FAAH2: variants seen among roughly 807,000 people sequenced by gnomAD.
FAAH2 encodes fatty-acid amide hydrolase 2.
Under a neutral mutation model 36.9 loss-of-function variants are expected in FAAH2, and 60 were observed. The observed-to-expected ratio is 1.63, with a 90% CI of 1.32 to 2.02. The LOEUF is 2.02. Ranked by LOEUF, FAAH2 falls within the 30% of genes most tolerant of loss-of-function variation. FAAH2 has a pLI of 0.00. For missense variants in FAAH2, 689 were observed against 397.5 expected (o/e 1.73, Z -6.23); for synonymous variants, 214 against 143.8 (o/e 1.49, Z -3.49).
chrX:57,223,427 G>A, the FAAH2 span, among the ~76,000 whole-genome samples: 1 of 111,486 alleles, frequency 9.0e-6, no homozygotes, highest in Non-Finnish European at 1.9e-5. Flanking sequence ...CACTCTCAAA[G>A]CCTTCCTCAC....
chrX:57,131,653 A>G, the FAAH2 span, among the ~76,000 whole-genome samples: 2 of 112,167 alleles, frequency 1.8e-5, no homozygotes, highest in African/African-American at 3.2e-5. Context: ...AAGACTTTTC[A>G]TTCTTAGTCC....
chrX:57,146,799 T>C, the FAAH2 span, among the ~76,000 whole-genome samples: 1 of 112,028 alleles, frequency 8.9e-6, no homozygotes, highest in African/African-American at 3.2e-5. Context: ...TGTCAAATGC[T>C]TTTTCTTCAT....
intron 8 of FAAH2, among the ~76,000 whole-genome samples, chrX:57,440,263 C>A (rs989706800): frequency 8.1e-5 from 9 of 111,244 alleles, no homozygotes; most frequent in African/African-American, 2.6e-4. Flanking sequence ...TGTTTGTGTC[C>A]TCTTTTATTT....
At chrX:57,468,818 G>A (rs1180280737) in intron 10 of FAAH2, among the ~76,000 whole-genome samples, 1 of 111,644 alleles carries the variant, frequency 9.0e-6, no homozygotes, top group Non-Finnish European at 1.9e-5. Context: ...ATGTTGAAAT[G>A]AAGGAAAAAA....
chrX:57,170,292 C>T, the FAAH2 span, among the ~76,000 whole-genome samples: 7 of 111,946 alleles, frequency 6.3e-5, no homozygotes, highest in Non-Finnish European at 1.1e-4. Context: ...CATGTTGTAA[C>T]ATGTGACAAA....
At chrX:57,464,518 CAAAAAA>C (rs5902566) in intron 10 of FAAH2, among the ~76,000 whole-genome samples, 42 of 60,965 alleles carry the variant, frequency 6.9e-4, no homozygotes, top group Admixed American at 5.5e-3. Context: ...ATAGCAATTG[CAAAAAA>C]AAAAAAAAAA....
chrX:57,242,207 C>T, the FAAH2 span, among the ~76,000 whole-genome samples: 9 of 111,854 alleles, frequency 8.0e-5, no homozygotes, highest in East Asian at 2.8e-4. Context: ...TACAAGAGAG[C>T]TCCAGCTGGC....
At chrX:57,331,440 C>G (rs1227719112) in intron 3 of FAAH2, among the ~76,000 whole-genome samples, 158 bp from the exon 4 acceptor site, 1 of 110,908 alleles carries the variant, frequency 9.0e-6, no homozygotes, top group Admixed American at 9.7e-5. Context: ...TGCCTTCTCT[C>G]TGAAGATCTG....
At chrX:57,231,034 AGTGTGTGT>A in the FAAH2 span, among the ~76,000 whole-genome samples, 2 of 94,458 alleles carry the variant, frequency 2.1e-5, no homozygotes, top group East Asian at 3.3e-4. Context: ...CTCCAAAGGA[AGTGTGTGT>A]GTGTGTGTGT....
At chrX:57,154,746 C>A in the FAAH2 span, among the ~76,000 whole-genome samples, 2 of 110,138 alleles carry the variant, frequency 1.8e-5, no homozygotes, top group Admixed American at 1.9e-4. Context: ...GTTAAACAAC[C>A]TTGTTTTGTT....
chrX:57,305,940 C>T (rs1010362638), intron 2 of FAAH2, among the ~76,000 whole-genome samples: 2 of 111,814 alleles, frequency 1.8e-5, no homozygotes, highest in Non-Finnish European at 3.8e-5. Context: ...CTAACGTTTC[C>T]TAAACACAAG....
intron 5 of FAAH2, among the ~76,000 whole-genome samples, chrX:57,364,240 T>G (rs1285286516): frequency 9.1e-6 from 1 of 109,504 alleles, no homozygotes; most frequent in African/African-American, 3.3e-5. Context: ...GAATGCATTA[T>G]TGGTCTTTTC....
chrX:57,257,685 G>A, the FAAH2 span, among the ~76,000 whole-genome samples: 1 of 110,530 alleles, frequency 9.0e-6, no homozygotes, highest in Non-Finnish European at 1.9e-5. Context: ...AGAACTTAAA[G>A]TATAATTAAA....
intron 5 of FAAH2, among the ~76,000 whole-genome samples, chrX:57,349,913 C>A (rs2053952038): frequency 9.1e-6 from 1 of 110,254 alleles, no homozygotes; most frequent in Non-Finnish European, 1.9e-5. Context: ...GCTCAGTGAT[C>A]CAAAGAAATA....
At chrX:57,346,699 T>G (rs1292055678) in intron 5 of FAAH2, among the ~76,000 whole-genome samples, 1 of 111,726 alleles carries the variant, frequency 9.0e-6, no homozygotes, top group Non-Finnish European at 1.9e-5. Context: ...TTGCTTGAAT[T>G]GTTTGTGGTA....
chrX:57,225,524 T>A, the FAAH2 span, among the ~76,000 whole-genome samples: 1 of 111,940 alleles, frequency 8.9e-6, no homozygotes, highest in Non-Finnish European at 1.9e-5. Context: ...AATTTCAATT[T>A]TCTTAAATTT....
At chrX:57,277,267 C>T in the FAAH2 span, among the ~76,000 whole-genome samples, 3 of 111,851 alleles carry the variant, frequency 2.7e-5, no homozygotes, top group Non-Finnish European at 5.6e-5. Flanking sequence ...AAGGCTGGTT[C>T]AACATATGCA....
intron 5 of FAAH2, among the ~76,000 whole-genome samples, chrX:57,369,271 ATT>A (rs1483928373): frequency 9.0e-6 from 1 of 111,260 alleles, no homozygotes; most frequent in African/African-American, 3.3e-5. Flanking sequence ...CATTCTAGAG[ATT>A]TCAGTAGAAG....
chrX:57,287,991 T>C (rs1421671408), intron 1 of FAAH2, among the ~76,000 whole-genome samples: 1 of 111,423 alleles, frequency 9.0e-6, no homozygotes, highest in Non-Finnish European at 1.9e-5. Flanking sequence ...CTCTACCCAC[T>C]CATGCATGCT....
Sources: allele counts gnomAD v4.1 joint callset (sites outside exome capture counted in the v4.1 genomes callset), GRCh38; gene constraint gnomAD v4.1.1; transcripts MANE v1.5; gene names NCBI Gene and HGNC (gene_info 2026-07-23, HGNC 2026-07-21).